Variants in MICU2 observed in about 807,000 individuals in gnomAD.
MICU2 encodes the protein calcium uptake protein 2, mitochondrial.
Under a neutral mutation model 60.4 loss-of-function variants are expected in MICU2, and 64 were observed. The ratio of observed to expected loss-of-function variants is 1.06; its 90% CI spans 0.87 to 1.31. The LOEUF is 1.31. Ranked by LOEUF, MICU2 falls within the 50% of genes most tolerant of loss-of-function variation. The pLI, the probability that MICU2 is intolerant of heterozygous loss-of-function variation, is 0.00. For synonymous variants in MICU2, 201 were observed against 175.0 expected (o/e 1.15, Z -1.17); for missense variants, 569 against 531.0 (o/e 1.07, Z -0.70).
intron 2 of MICU2, among the ~76,000 whole-genome samples, chr13:21,541,208 T>G (rs1387914137): frequency 6.6e-6 from 1 of 152,056 alleles, no homozygotes; most frequent in Non-Finnish European, 1.5e-5. Context: ...AGGGGTGTTA[T>G]CTGTTTGAAG....
At chr13:21,519,523 G>A (rs985471903) in intron 6 of MICU2, among the ~76,000 whole-genome samples, 2 of 152,086 alleles carry the variant, frequency 1.3e-5, no homozygotes, top group African/African-American at 2.4e-5. Flanking sequence ...CTCAACCTCA[G>A]TTTGACCTCA....
At chr13:21,505,469 T>A (rs1886270381) in intron 8 of MICU2, among the ~76,000 whole-genome samples, 1 of 152,182 alleles carries the variant, frequency 6.6e-6, no homozygotes, top group Non-Finnish European at 1.5e-5. Flanking sequence ...GCTGCTTTCA[T>A]AACAATAAAA....
At position 21,510,007 on chromosome 13, in the gene MICU2, C is replaced by A; in HGVS notation, c.758G>T (p.Arg253Leu). 6.6e-7 allele frequency: 1 copy of A among 1,521,652 alleles called. No homozygotes were observed. Among genetic ancestry groups the A allele is most frequent in the Non-Finnish European group, 8.8e-7 (1 of 1,136,510 alleles). The allele number at this position is 1,521,652 out of a possible 1,614,324, so 94.3% of individuals were successfully genotyped here. A position where few individuals can be genotyped will look rare whatever the true frequency, so the allele number is the denominator to read the frequency against. ...GAATGTAAATATTTGCATTTACCTTCGAAATTCTTTATAATGAAGTTTTCT... is the reference window on the plus strand; with the variant it reads ...GAATGTAAATATTTGCATTTACCTTAGAAATTCTTTATAATGAAGTTTTCT... ...GQRKLHYKEF[R>L]RFMENLQTEI... Residue 253 changes from arginine (R) to leucine (L), a missense_variant, in exon 8 of 12, where the codon CGA becomes CTA. Physicochemically the swap from Arg to Leu is moderately radical, Grantham distance 102. Coordinates refer to ENST00000382374, the MANE Select transcript of MICU2 (RefSeq NM_152726.3).
At chr13:21,575,741 A>G (rs1888212974) in intron 1 of MICU2, among the ~76,000 whole-genome samples, 1 of 150,778 alleles carries the variant, frequency 6.6e-6, no homozygotes, top group South Asian at 2.1e-4. Context: ...AAAAAAAAAA[A>G]AAAAAAAAAA....
intron 4 of MICU2, among the ~76,000 whole-genome samples, chr13:21,527,966 A>G (rs1886896912): frequency 1.3e-5 from 2 of 152,212 alleles, no homozygotes; most frequent in Non-Finnish European, 2.9e-5. Context: ...GACCGCTGTT[A>G]AGTACAATTT....
intron 1 of MICU2, among the ~76,000 whole-genome samples, chr13:21,589,620 C>G (rs1249368273): frequency 6.6e-6 from 1 of 152,120 alleles, no homozygotes; most frequent in African/African-American, 2.4e-5. Context: ...CAACCTTTTT[C>G]GATTACCTGC....
At chr13:21,545,601 A>G (rs1199862496) in intron 2 of MICU2, among the ~76,000 whole-genome samples, 3 of 151,980 alleles carry the variant, frequency 2.0e-5, no homozygotes, top group East Asian at 3.9e-4. Flanking sequence ...GAATCACTTG[A>G]GCCTGGAAGG....
intron 6 of MICU2, chr13:21,515,559 A>G (rs1174740980): frequency 1.4e-5 from 6 of 440,408 alleles, no homozygotes; most frequent in Non-Finnish European, 2.3e-5. Flanking sequence ...AATTGTATCA[A>G]TCCTCATATG....
intron 8 of MICU2, among the ~76,000 whole-genome samples, chr13:21,504,826 T>C (rs1886256806): frequency 6.6e-6 from 1 of 152,152 alleles, no homozygotes; most frequent in African/African-American, 2.4e-5. Flanking sequence ...ATTGGCATGG[T>C]AGAGTATTTA....
intron 1 of MICU2, among the ~76,000 whole-genome samples, chr13:21,585,659 T>G (rs1202881404): frequency 6.6e-6 from 1 of 152,324 alleles, no homozygotes; most frequent in East Asian, 1.9e-4. Flanking sequence ...ATCCATCTTA[T>G]TAACTACATT....
At chr13:21,599,951 A>C (rs1318170681) in intron 1 of MICU2, among the ~76,000 whole-genome samples, 1 of 152,268 alleles carries the variant, frequency 6.6e-6, no homozygotes, top group Non-Finnish European at 1.5e-5. Context: ...TTACTGTAAT[A>C]CCACTATAGC....
chr13:21,493,233 ACT>A lies in MICU2; in HGVS notation c.*14_*15del. 1 of 1,502,830 alleles carries A rather than the reference ACT, an allele frequency of 6.7e-7. No homozygotes were observed. The allele number at this position is 1,502,830 out of a possible 1,614,324, so 93.1% of individuals were successfully genotyped here. On this transcript the variant is annotated 3_prime_UTR_variant, in exon 12 of 12. Coordinates refer to ENST00000382374, the MANE Select transcript of MICU2 (RefSeq NM_152726.3). ...ACATTTGGAACAATATAATTGCCATACTATTATATCTTTTATTAAAAAAGACC... is the reference window on the plus strand; with the variant it reads ...ACATTTGGAACAATATAATTGCCATAATTATATCTTTTATTAAAAAAGACC...
rs532154848 is a variant in MICU2, at chr13:21,563,261, C to T, written c.358+3536G>A. On this transcript the variant is annotated intron_variant, in intron 2 of 11. Coordinates refer to ENST00000382374, the MANE Select transcript of MICU2 (RefSeq NM_152726.3). ...ATGAGGTCACGAGATCGAGACCATC[C>T]TGGCTAACACGGTGAAACCCTGTCT... Among the ~76,000 whole-genome samples, 722 of 152,198 alleles carry T rather than the reference C, an allele frequency of 4.7e-3. 5 individuals are homozygous for T. The highest frequency in any genetic ancestry group is 0.016 in the African/African-American group (683 of 41,512).
intron 2 of MICU2, among the ~76,000 whole-genome samples, chr13:21,562,356 T>C (rs964703292): frequency 3.3e-5 from 5 of 152,198 alleles, no homozygotes; most frequent in Non-Finnish European, 5.9e-5. Flanking sequence ...ATAAACCACA[T>C]GCATAAAATA....
intron 1 of MICU2, 119 bp downstream of exon 1, chr13:21,603,820 C>T (rs572373550): frequency 2.6e-6 from 3 of 1,153,574 alleles, no homozygotes; most frequent in African/African-American, 3.2e-5. Context: ...CTCCGATCCG[C>T]AGCGGCACCT....
intron 2 of MICU2, among the ~76,000 whole-genome samples, chr13:21,555,842 C>T (rs910722150): frequency 1.3e-5 from 2 of 152,166 alleles, no homozygotes; most frequent in African/African-American, 4.8e-5. Flanking sequence ...CATTAGATGT[C>T]ATGTGGTGTG....
intron 4 of MICU2, chr13:21,530,888 G>A: frequency 1.3e-6 from 1 of 757,994 alleles, no homozygotes; most frequent in Non-Finnish European, 2.4e-6. Context: ...TACAGCGACA[G>A]AGCAGAATGG....
At chr13:21,538,122 A>G (rs1887178810) in intron 4 of MICU2, among the ~76,000 whole-genome samples, 1 of 151,998 alleles carries the variant, frequency 6.6e-6, no homozygotes, top group Admixed American at 6.6e-5. Flanking sequence ...TCCTCTGTTC[A>G]TGACCATGTC....
At position 21,561,608 on chromosome 13, in the gene MICU2, A is replaced by T. The variant is rs561150604; in HGVS notation, c.358+5189T>A. ...TTTCCCTCATTCTGAAATTTGGTTT[A>T]TCTGAAGGCTAGCTACTCCAGCCTT... is the stretch of plus-strand genomic sequence containing the variant. On this transcript the variant is annotated intron_variant, in intron 2 of 11. Transcript: ENST00000382374. Among the ~76,000 whole-genome samples, 8 of 149,044 alleles carry T rather than the reference A, an allele frequency of 5.4e-5. No homozygotes were observed. The South Asian group carries it at 1.5e-3, about 28-fold the overall frequency.
Sources: allele counts gnomAD v4.1 joint callset (sites outside exome capture counted in the v4.1 genomes callset), GRCh38; gene constraint gnomAD v4.1.1; transcripts MANE v1.5; gene names NCBI Gene and HGNC (gene_info 2026-07-23, HGNC 2026-07-21).